BIN3: variants seen among roughly 807,000 people sequenced by gnomAD.
BIN3 encodes bridging integrator 3.
In BIN3, 41 loss-of-function variants were observed where a neutral mutation model predicts 38.2. The observed-to-expected ratio is 1.07, with a 90% CI of 0.84 to 1.39. BIN3 has a LOEUF of 1.39. BIN3 is among the 40% of genes most tolerant of loss of function. BIN3 has a pLI of 0.00. For synonymous variants in BIN3, 145 were observed against 122.6 expected (o/e 1.18, Z -1.21); for missense variants, 361 against 324.3 (o/e 1.11, Z -0.87).
intron 2 of BIN3, among the ~76,000 whole-genome samples, chr8:22,639,549 G>C (rs530084052): frequency 6.6e-6 from 1 of 152,112 alleles, no homozygotes; most frequent in African/African-American, 2.4e-5. Context: ...GGTGGCTTAC[G>C]AGGAAATAGC....
In BIN3 at chr8:22,644,859, C is replaced by T. The variant is rs117042552; in HGVS notation, c.9-56G>A. 3,228 of 1,509,852 alleles carry T rather than the reference C, an allele frequency of 2.1e-3. 106 individuals are homozygous for T. The East Asian group carries it at 0.065, about 30-fold the overall frequency. The allele number at this position is 1,509,852 out of a possible 1,614,324, so 93.5% of individuals were successfully genotyped here. A position where few individuals can be genotyped will look rare whatever the true frequency, so the allele number is the denominator to read the frequency against. On this transcript the variant is annotated intron_variant, in intron 1 of 8. Coordinates refer to ENST00000276416, the MANE Select transcript of BIN3 (RefSeq NM_018688.6). ...GTGAGAAGTGGGGAAGGATGCAGCTCAAAGTATCAGTACAGTACAGGCCAC... is the reference window on the plus strand; with the variant it reads ...GTGAGAAGTGGGGAAGGATGCAGCTTAAAGTATCAGTACAGTACAGGCCAC...
At chr8:22,661,358 T>TTTTTG (rs1803232204) in intron 1 of BIN3, among the ~76,000 whole-genome samples, 1 of 127,264 alleles carries the variant, frequency 7.9e-6, no homozygotes, top group Non-Finnish European at 1.7e-5. Context: ...CATTCTTTTT[T>TTTTTG]TTTTTTTTTT....
At chr8:22,636,732 C>T (rs2117535944) in intron 3 of BIN3, 146 bp from the exon 4 acceptor site, 4 of 1,011,610 alleles carry the variant, frequency 4.0e-6, no homozygotes, top group Admixed American at 2.1e-5. Context: ...TGCCACTACA[C>T]CCAAAGGCTA....
intron 2 of BIN3, among the ~76,000 whole-genome samples, chr8:22,640,988 T>C (rs1802536681): frequency 6.6e-6 from 1 of 152,148 alleles, no homozygotes; most frequent in Admixed American, 6.5e-5. Flanking sequence ...GTTGCTTCTC[T>C]AGCTCACTGG....
intron 1 of BIN3, among the ~76,000 whole-genome samples, chr8:22,657,909 T>C (rs1803106642): frequency 6.6e-6 from 1 of 152,236 alleles, no homozygotes; most frequent in South Asian, 2.1e-4. Context: ...GCCTTGGTAC[T>C]GCCAGGTCAC....
At chr8:22,651,463 C>T (rs1802888721) in intron 1 of BIN3, among the ~76,000 whole-genome samples, 1 of 152,198 alleles carries the variant, frequency 6.6e-6, no homozygotes, top group Admixed American at 6.5e-5. Flanking sequence ...TTTCCCTGAT[C>T]CTCCTCTTTC....
intron 1 of BIN3, among the ~76,000 whole-genome samples, chr8:22,652,493 G>C (rs936978297): frequency 2.6e-5 from 4 of 152,190 alleles, no homozygotes; most frequent in Non-Finnish European, 5.9e-5. Context: ...GCATGTATGT[G>C]TACACATGTG....
chr8:22,663,440 T>TAAAA (rs35060338), intron 1 of BIN3, among the ~76,000 whole-genome samples: 2 of 128,686 alleles, frequency 1.6e-5, no homozygotes, highest in Non-Finnish European at 1.6e-5. Context: ...CCGATTTGTT[T>TAAAA]AAAAAAAAAA....
At chr8:22,623,018 C>T (rs1339142166) in intron 8 of BIN3, among the ~76,000 whole-genome samples, 1 of 152,318 alleles carries the variant, frequency 6.6e-6, no homozygotes, top group African/African-American at 2.4e-5. Context: ...TTCACGGCTG[C>T]GACTACGGGC....
At chr8:22,623,428 G>T (rs1311562758) in intron 8 of BIN3, among the ~76,000 whole-genome samples, 1 of 152,148 alleles carries the variant, frequency 6.6e-6, no homozygotes, top group Non-Finnish European at 1.5e-5. Flanking sequence ...GCTCTCCCCA[G>T]GGCTCTGGAG....
At chr8:22,635,037 TCTC>T (rs1802325119) in intron 4 of BIN3, among the ~76,000 whole-genome samples, 1 of 152,078 alleles carries the variant, frequency 6.6e-6, no homozygotes. Flanking sequence ...GAAGATGGCT[TCTC>T]CACCCTCCTG....
At chr8:22,635,886 T>C (rs17088501) in intron 4 of BIN3, among the ~76,000 whole-genome samples, 5,967 of 152,196 alleles carry the variant, frequency 0.039, 388 homozygotes, top group African/African-American at 0.13. Flanking sequence ...GGGCTCTGGA[T>C]GCTCCCTTAT....
chr8:22,630,339 C>T (rs2117516549), intron 5 of BIN3, 103 bp downstream of exon 5: 1 of 1,488,540 alleles, frequency 6.7e-7, no homozygotes, highest in East Asian at 2.3e-5. Context: ...GCTTAGAGCC[C>T]TGAGAGCAGA....
chr8:22,661,040 C>T (rs924750616), intron 1 of BIN3, among the ~76,000 whole-genome samples: 1 of 152,110 alleles, frequency 6.6e-6, no homozygotes, highest in African/African-American at 2.4e-5. Flanking sequence ...TGCACCACTA[C>T]CCCTGGCTAA....
intron 1 of BIN3, 173 bp from the exon 2 acceptor site, chr8:22,644,976 T>G: frequency 1.7e-6 from 1 of 580,614 alleles, no homozygotes; most frequent in Non-Finnish European, 3.1e-6. Context: ...CTGGGCTTGG[T>G]TCTAAGAGAG....
chr8:22,658,286 T>C (rs936801138), intron 1 of BIN3, among the ~76,000 whole-genome samples: 2 of 152,312 alleles, frequency 1.3e-5, no homozygotes, highest in South Asian at 2.1e-4. Context: ...AAAAAAGTTC[T>C]GTGTGTACGG....
At chr8:22,658,541 T>C (rs1355661730) in intron 1 of BIN3, among the ~76,000 whole-genome samples, 1 of 152,236 alleles carries the variant, frequency 6.6e-6, no homozygotes, top group African/African-American at 2.4e-5. Context: ...ATCTTTTGTT[T>C]CCTCACTCCC....
intron 4 of BIN3, among the ~76,000 whole-genome samples, chr8:22,633,156 G>A (rs1157748596): frequency 6.6e-6 from 1 of 152,182 alleles, no homozygotes; most frequent in Non-Finnish European, 1.5e-5. Context: ...GAGCAGAGCT[G>A]GGGTAGATGA....
intron 4 of BIN3, among the ~76,000 whole-genome samples, chr8:22,636,133 C>T (rs1802357837): frequency 6.6e-6 from 1 of 152,350 alleles, no homozygotes; most frequent in East Asian, 1.9e-4. Flanking sequence ...TTCTTGTTGC[C>T]ACTGGAGCGC....
Sources: gnomAD v4.1 joint callset for allele counts (sites outside exome capture counted in the v4.1 genomes callset) on GRCh38, gnomAD v4.1.1 for gene constraint, MANE v1.5 for transcripts, NCBI Gene and HGNC (gene_info 2026-07-23, HGNC 2026-07-21) for gene names.